Variants in CNOT10 observed in about 807,000 individuals in gnomAD.
CNOT10 encodes the protein CCR4-NOT transcription complex, subunit 10.
Under a neutral mutation model 94.6 loss-of-function variants are expected in CNOT10, and 30 were observed. The ratio of observed to expected loss-of-function variants is 0.32; its 90% CI spans 0.24 to 0.43. The LOEUF (loss-of-function observed/expected upper bound fraction) is 0.43. Ranked by LOEUF, CNOT10 falls within the 20% of genes least tolerant of loss-of-function variation. CNOT10 has a pLI of 1.00. For missense variants in CNOT10, 759 were observed against 877.2 expected (o/e 0.87, Z 1.70); for synonymous variants, 289 against 301.6 (o/e 0.96, Z 0.43).
At chr3:32,700,713 A>T (rs760735031) in intron 1 of CNOT10, among the ~76,000 whole-genome samples, 2 of 152,224 alleles carry the variant, frequency 1.3e-5, no homozygotes, top group Non-Finnish European at 2.9e-5. Context: ...ATTCCTGTAT[A>T]AATAAGAAAT....
chr3:32,753,243 C>A, intron 13 of CNOT10: 1 of 769,352 alleles, frequency 1.3e-6, no homozygotes, highest in Non-Finnish European at 2.4e-6. Context: ...AGTGCAGATG[C>A]TAATTTCAGT....
At chr3:32,762,306 GTCAT>G (rs1487332519) in intron 14 of CNOT10, among the ~76,000 whole-genome samples, 1 of 151,404 alleles carries the variant, frequency 6.6e-6, no homozygotes, top group African/African-American at 2.4e-5. Context: ...GTCTCACTCT[GTCAT>G]TCAGGCTGAG....
At chr3:32,712,721 C>T (rs1697947426) in intron 4 of CNOT10, among the ~76,000 whole-genome samples, 1 of 152,052 alleles carries the variant, frequency 6.6e-6, no homozygotes, top group South Asian at 2.1e-4. Context: ...TGTTTGTGGT[C>T]CCAGCTACTC....
rs75447437 is a variant in CNOT10, at chr3:32,697,872, A to G, written c.23-5996A>G. Among the ~76,000 whole-genome samples, 122 of 152,354 alleles carry G rather than the reference A, an allele frequency of 8.0e-4. No individual in the cohort carries two copies. In the East Asian group the frequency reaches 0.013, roughly 16 times the overall value. ...TATGCTTCTTTATGAGAGAAGACAC[A>G]TTTTTTAAAATGTTAGGTTTTATAA... On this transcript the variant is annotated intron_variant, in intron 1 of 18. Coordinates refer to ENST00000328834, the MANE Select transcript of CNOT10 (RefSeq NM_015442.3).
chr3:32,753,915 C>A, intron 13 of CNOT10: 2 of 1,149,898 alleles, frequency 1.7e-6, no homozygotes, highest in Non-Finnish European at 2.6e-6. Context: ...AATTAATTTG[C>A]TCTCACACAC....
chr3:32,767,346 C>A (rs1481209468), intron 17 of CNOT10, among the ~76,000 whole-genome samples: 1 of 151,948 alleles, frequency 6.6e-6, no homozygotes, highest in African/African-American at 2.4e-5. Context: ...TGGAGAAATC[C>A]TATCTCTACT....
intron 1 of CNOT10, among the ~76,000 whole-genome samples, chr3:32,696,361 C>T (rs571972793): frequency 6.6e-6 from 1 of 151,952 alleles, no homozygotes; most frequent in African/African-American, 2.4e-5. Flanking sequence ...TCACTGATTG[C>T]TCAGGCTGGT....
chr3:32,686,065 T>TA (rs1696586694), intron 1 of CNOT10, among the ~76,000 whole-genome samples: 1 of 152,196 alleles, frequency 6.6e-6, no homozygotes, highest in Non-Finnish European at 1.5e-5. Context: ...TAAAAAGGCA[T>TA]AAAATCCTAT....
At chr3:32,687,439 G>GTTTTGTTTTTTGTTTTTTTTTTTT (rs1696653549) in intron 1 of CNOT10, among the ~76,000 whole-genome samples, 1 of 51,320 alleles carries the variant, frequency 1.9e-5, no homozygotes, top group Non-Finnish European at 3.4e-5. Context: ...AGTCCTCACG[G>GTTTTGTTTTTTGTTTTTTTTTTTT]TTTTTTTTTT....
intron 5 of CNOT10, among the ~76,000 whole-genome samples, chr3:32,713,752 C>T (rs918247005): frequency 3.9e-5 from 6 of 152,144 alleles, no homozygotes; most frequent in Non-Finnish European, 8.8e-5. Context: ...TCATAATATG[C>T]GGCTATTTGT....
At chr3:32,732,707 C>T (rs1699015928) in intron 10 of CNOT10, among the ~76,000 whole-genome samples, 1 of 152,124 alleles carries the variant, frequency 6.6e-6, no homozygotes, top group Non-Finnish European at 1.5e-5. Context: ...TCCCAAAGGG[C>T]TGGGATTACG....
At chr3:32,731,889 T>C (rs1698974706) in intron 10 of CNOT10, among the ~76,000 whole-genome samples, 1 of 151,648 alleles carries the variant, frequency 6.6e-6, no homozygotes, top group Non-Finnish European at 1.5e-5. Flanking sequence ...CCATCCTGGC[T>C]AACATGGTGA....
intron 13 of CNOT10, among the ~76,000 whole-genome samples, chr3:32,738,770 A>G (rs1243665333): frequency 6.6e-6 from 1 of 151,624 alleles, no homozygotes; most frequent in African/African-American, 2.4e-5. Flanking sequence ...CCTGTATTTC[A>G]TCTTATCTCA....
At chr3:32,721,288 C>CT in intron 8 of CNOT10, among the ~76,000 whole-genome samples, 1 of 151,544 alleles carries the variant, frequency 6.6e-6, no homozygotes, top group Non-Finnish European at 1.5e-5. Context: ...TATCGAACTC[C>CT]TGACCTCAAG....
At chr3:32,757,760 G>T (rs569026588) in intron 13 of CNOT10, among the ~76,000 whole-genome samples, 53 of 152,224 alleles carry the variant, frequency 3.5e-4, no homozygotes, top group African/African-American at 1.2e-3. Flanking sequence ...TCATTGTAGG[G>T]ACTGTGGCCA....
intron 13 of CNOT10, among the ~76,000 whole-genome samples, chr3:32,741,063 A>G (rs1699440946): frequency 6.6e-6 from 1 of 151,688 alleles, no homozygotes; most frequent in African/African-American, 2.4e-5. Flanking sequence ...AGCCATACCC[A>G]CTTCCACTCC....
At chr3:32,757,953 A>G (rs1700289657) in intron 13 of CNOT10, among the ~76,000 whole-genome samples, 1 of 152,244 alleles carries the variant, frequency 6.6e-6, no homozygotes, top group African/African-American at 2.4e-5. Context: ...TTTGGATTAA[A>G]CTTTTTCTAC....
intron 7 of CNOT10, among the ~76,000 whole-genome samples, chr3:32,718,603 A>AG (rs1191063231): frequency 6.6e-6 from 1 of 151,178 alleles, no homozygotes; most frequent in Non-Finnish European, 1.5e-5. Context: ...AAAAAAAAAA[A>AG]AGACATAATT....
At chr3:32,733,755 C>CATGCAATTACATACA (rs1699059361) in intron 11 of CNOT10, among the ~76,000 whole-genome samples, 1 of 152,102 alleles carries the variant, frequency 6.6e-6, no homozygotes. Flanking sequence ...TCCATGGGTG[C>CATGCAATTACATACA]TGCAATTATT....
Sources: gnomAD v4.1 joint callset for allele counts (sites outside exome capture counted in the v4.1 genomes callset) on GRCh38, gnomAD v4.1.1 for gene constraint, MANE v1.5 for transcripts, NCBI Gene and HGNC (gene_info 2026-07-23, HGNC 2026-07-21) for gene names.